The following ABLIM1 variants were observed in gnomAD, a reference collection of about 807,000 sequenced individuals.
ABLIM1 encodes the protein actin-binding LIM protein 1.
In ABLIM1, 40 loss-of-function variants were observed where a neutral mutation model predicts 107.0. The ratio of observed to expected loss-of-function variants is 0.37; its 90% confidence interval spans 0.29 to 0.49. ABLIM1 has a LOEUF of 0.49. Ranked by LOEUF, ABLIM1 falls within the 20% of genes least tolerant of loss-of-function variation. The pLI is 0.97. For missense variants in ABLIM1, 857 were observed against 1,008.5 expected (o/e 0.85, Z 2.04); for synonymous variants, 357 against 357.3 (o/e 1.00, Z 0.01).
chr10:114,472,178 T>A (rs1333998692), intron 10 of ABLIM1, among the ~76,000 whole-genome samples: 1 of 152,224 alleles, frequency 6.6e-6, no homozygotes, highest in East Asian at 1.9e-4. Flanking sequence ...GCTTGCTTAA[T>A]CCTCACTAAC....
intron 1 of ABLIM1, among the ~76,000 whole-genome samples, chr10:114,652,141 C>G (rs1009199551): frequency 3.3e-5 from 5 of 152,172 alleles, no homozygotes; most frequent in African/African-American, 9.7e-5. Context: ...AGAATTAAAA[C>G]CTTTTCCCTG....
intron 1 of ABLIM1, among the ~76,000 whole-genome samples, chr10:114,746,198 C>G (rs1018075044): frequency 6.6e-6 from 1 of 152,146 alleles, no homozygotes; most frequent in Non-Finnish European, 1.5e-5. Context: ...AAAAAAAAAT[C>G]CAACTGAGGC....
chr10:114,471,513 G>C (rs2066552677), intron 10 of ABLIM1, among the ~76,000 whole-genome samples: 1 of 152,158 alleles, frequency 6.6e-6, no homozygotes. Context: ...ACCTGCGCTT[G>C]AGAGCGGCCG....
the ABLIM1 span, among the ~76,000 whole-genome samples, chr10:114,782,007 T>C: frequency 6.6e-6 from 1 of 152,070 alleles, no homozygotes; most frequent in Non-Finnish European, 1.5e-5. Context: ...TCTTTACTAG[T>C]ATATTCTTAA....
At chr10:114,436,609 A>G (rs535201318) in intron 22 of ABLIM1, among the ~76,000 whole-genome samples, 1 of 152,310 alleles carries the variant, frequency 6.6e-6, no homozygotes, top group South Asian at 2.1e-4. Flanking sequence ...TTATAATAAT[A>G]ACACTGACTG....
At chr10:114,714,579 C>A (rs2081619805) in intron 1 of ABLIM1, among the ~76,000 whole-genome samples, 1 of 152,210 alleles carries the variant, frequency 6.6e-6, no homozygotes, top group African/African-American at 2.4e-5. Context: ...TATCCATGTG[C>A]TACCAATGCT....
At chr10:114,785,380 T>C in the ABLIM1 span, among the ~76,000 whole-genome samples, 2 of 152,224 alleles carry the variant, frequency 1.3e-5, no homozygotes, top group Non-Finnish European at 2.9e-5. Context: ...AAGTCTCTTG[T>C]ATTGAAATTC....
intron 2 of ABLIM1, among the ~76,000 whole-genome samples, chr10:114,592,752 T>C (rs557209462): frequency 5.3e-5 from 8 of 152,264 alleles, no homozygotes; most frequent in African/African-American, 1.9e-4. Context: ...TGATGGATTA[T>C]TTGTGGCACA....
chr10:114,741,811 G>T (rs1467823229), intron 1 of ABLIM1, among the ~76,000 whole-genome samples: 1 of 152,172 alleles, frequency 6.6e-6, no homozygotes, highest in Admixed American at 6.5e-5. Flanking sequence ...AACTGACAGA[G>T]ATTGTTTGTT....
chr10:114,450,112 A>G (rs1301203384), intron 14 of ABLIM1: 1 of 402,816 alleles, frequency 2.5e-6, no homozygotes, highest in African/African-American at 2.2e-5. Flanking sequence ...TAAATTAACA[A>G]CAAAAGGATG....
intron 4 of ABLIM1, among the ~76,000 whole-genome samples, chr10:114,556,343 CAT>C (rs2068722744): frequency 6.6e-6 from 1 of 152,214 alleles, no homozygotes; most frequent in Non-Finnish European, 1.5e-5. Context: ...CAGCCCCTGA[CAT>C]GTGGATTCCA....
At chr10:114,582,057 GA>G (rs1267907842) in intron 2 of ABLIM1, among the ~76,000 whole-genome samples, 3 of 151,876 alleles carry the variant, frequency 2.0e-5, no homozygotes, top group Admixed American at 6.6e-5. Flanking sequence ...ATCCAAATAG[GA>G]AAAAAAGTCG....
At chr10:114,768,461 G>A (rs1289509582), upstream of ABLIM1, among the ~76,000 whole-genome samples, 1 of 152,046 alleles carries the variant, frequency 6.6e-6, no homozygotes, top group Non-Finnish European at 1.5e-5. Context: ...AAAATAACGT[G>A]GGTGCTCCGA....
At chr10:114,598,614 AACAAAC>A in intron 2 of ABLIM1, among the ~76,000 whole-genome samples, 1 of 151,766 alleles carries the variant, frequency 6.6e-6, no homozygotes, top group Non-Finnish European at 1.5e-5. Context: ...TAAAAACAAA[AACAAAC>A]AAAAAAAGAA....
chr10:114,759,175 T>C (rs1323154916), intron 1 of ABLIM1, among the ~76,000 whole-genome samples: 1 of 152,154 alleles, frequency 6.6e-6, no homozygotes, highest in Non-Finnish European at 1.5e-5. Flanking sequence ...GGATATACCA[T>C]CCAAAACTAA....
At position 114,445,441 on chromosome 10, in the gene ABLIM1, C is replaced by T. The variant is rs145116021; in HGVS notation, c.1736-38G>A. 110 of 1,557,070 alleles carry T rather than the reference C, an allele frequency of 7.1e-5. No individual in the cohort carries two copies. In the African/African-American group the frequency reaches 1.4e-3, roughly 19 times the overall value. ...CAAAGACAACTTCTCACATCAGCCC[C>T]AAGACAAGGGAATCTTAACGGGCTA... On this transcript the variant is annotated intron_variant, in intron 15 of 22. Transcript: ENST00000533213.
chr10:114,752,282 C>T (rs1057084384), intron 1 of ABLIM1, among the ~76,000 whole-genome samples: 1 of 152,158 alleles, frequency 6.6e-6, no homozygotes, highest in Non-Finnish European at 1.5e-5. Context: ...AAGAGAAGAG[C>T]TCAAGCTAGA....
chr10:114,520,439 G>A (rs2063555095), intron 6 of ABLIM1, among the ~76,000 whole-genome samples: 1 of 151,898 alleles, frequency 6.6e-6, no homozygotes, highest in South Asian at 2.1e-4. Flanking sequence ...ACCTACAGTT[G>A]TCATGGTGGT....
chr10:114,447,355 C>T (rs1456118497), intron 15 of ABLIM1, among the ~76,000 whole-genome samples: 1 of 152,154 alleles, frequency 6.6e-6, no homozygotes, highest in African/African-American at 2.4e-5. Context: ...TACTACTCTG[C>T]AATAGCCCTT....
Sources: allele counts gnomAD v4.1 joint callset (sites outside exome capture counted in the v4.1 genomes callset), GRCh38; gene constraint gnomAD v4.1.1; transcripts MANE v1.5; gene names NCBI Gene and HGNC (gene_info 2026-07-23, HGNC 2026-07-21).